Variants in COLGALT2 observed in about 807,000 individuals in gnomAD.
The protein encoded by COLGALT2 is collagen beta(1-O)galactosyltransferase 2.
In COLGALT2, 49 loss-of-function variants were observed where a neutral mutation model predicts 73.4. That is an observed-to-expected ratio of 0.67 (90% CI 0.53 to 0.85). The LOEUF (loss-of-function observed/expected upper bound fraction) is 0.85, where lower values mean the gene tolerates loss of function less well. COLGALT2 is among the 40% of genes least tolerant of loss of function. The pLI, the probability that COLGALT2 is intolerant of heterozygous loss-of-function variation, is 0.00. For synonymous variants in COLGALT2, 295 were observed against 307.6 expected, an observed-to-expected ratio of 0.96 and a Z score of 0.43; for missense variants, 722 against 790.2, an observed-to-expected ratio of 0.91 and a Z score of 1.03.
At position 184,037,489 on chromosome 1, in the gene COLGALT2, C is replaced by T. The variant is rs952563155; in HGVS notation, c.-132G>A. The T allele has an allele frequency of 8.5e-7, 1 of 1,177,836 alleles. No homozygotes were observed. The highest frequency in any genetic ancestry group is 1.0e-6 in the Non-Finnish European group (1 of 954,854). 73.0% of individuals were successfully genotyped at this position (1,177,836 alleles called of 1,614,324 possible). A position where few individuals can be genotyped will look rare whatever the true frequency, so the allele number is the denominator to read the frequency against. ...GGGGGATGCGGCTTGCCGCGGCCGGCCGGCTCACACACTGGCCTCGGCGGC... is the reference window on the plus strand; with the variant it reads ...GGGGGATGCGGCTTGCCGCGGCCGGTCGGCTCACACACTGGCCTCGGCGGC... On this transcript the variant is annotated 5_prime_UTR_variant, in exon 1 of 12. Coordinates refer to ENST00000361927, the MANE Select transcript of COLGALT2 (RefSeq NM_015101.4).
intron 2 of COLGALT2, among the ~76,000 whole-genome samples, chr1:183,975,946 A>T (rs1671178444): frequency 2.6e-5 from 4 of 152,264 alleles, no homozygotes; most frequent in African/African-American, 9.6e-5. Flanking sequence ...TGTTTTAGTG[A>T]GTGAAAAACT....
In COLGALT2 at chr1:184,024,626, C is replaced by CCGTGG. The variant is rs1649276050; in HGVS notation, c.263+12468_263+12469insCCACG. On this transcript the variant is annotated intron_variant, in intron 1 of 11. Coordinates refer to ENST00000361927, the MANE Select transcript of COLGALT2 (RefSeq NM_015101.4). ...TTGGCCTCCCAAAGTTCTGGGTTTA[C>CCGTGG]AGGCGTGAGCCACCACACCCAGCCT... Among the ~76,000 whole-genome samples the CCGTGG allele has an allele frequency of 2.5e-4, 38 of 149,408 alleles. 1 individual carries two copies. The highest frequency in any genetic ancestry group is 2.5e-3 in the Admixed American group (38 of 14,956).
chr1:184,028,482 T>C (rs1229055090), intron 1 of COLGALT2, among the ~76,000 whole-genome samples: 3 of 152,194 alleles, frequency 2.0e-5, no homozygotes, highest in Admixed American at 2.0e-4. Context: ...GAAACAGTCC[T>C]ACTTCCCTCT....
chr1:183,950,474 T>TA (rs200217667), intron 8 of COLGALT2, among the ~76,000 whole-genome samples: 20,576 of 119,332 alleles, frequency 0.17, 1,747 homozygotes, highest in East Asian at 0.41. Context: ...CTGAACAAAA[T>TA]AAAAAAAAAA....
chr1:183,939,393 C>T (rs1323715355), intron 11 of COLGALT2, among the ~76,000 whole-genome samples: 1 of 152,168 alleles, frequency 6.6e-6, no homozygotes, highest in Non-Finnish European at 1.5e-5. Flanking sequence ...AAATGAGACA[C>T]CTCACATCTG....
chr1:183,963,631 A>G (rs921620580), intron 6 of COLGALT2, among the ~76,000 whole-genome samples: 1 of 152,212 alleles, frequency 6.6e-6, no homozygotes, highest in Non-Finnish European at 1.5e-5. Flanking sequence ...ACAAAACACT[A>G]TTATAGCACT....
intron 1 of COLGALT2, among the ~76,000 whole-genome samples, chr1:184,035,879 T>C (rs1649658070): frequency 6.6e-6 from 1 of 152,206 alleles, no homozygotes. Context: ...GCAGGGTATA[T>C]AGTAAAGCAG....
Position 184,031,452 on chromosome 1 carries a change from G to C in COLGALT2, c.263+5643C>G, listed in dbSNP as rs186259580. On this transcript the variant is annotated intron_variant, in intron 1 of 11. Coordinates refer to ENST00000361927, the MANE Select transcript of COLGALT2 (RefSeq NM_015101.4). ...ATGAAATTATCAAGACAGCGGAAGAGAACCACTAAGACCCTTGCATCATTC... is the reference window on the plus strand; with the variant it reads ...ATGAAATTATCAAGACAGCGGAAGACAACCACTAAGACCCTTGCATCATTC... 2.6e-5 allele frequency among the ~76,000 whole-genome samples: 4 copies of C among 152,324 alleles called. No homozygotes were observed. The East Asian group carries it at 7.7e-4, about 29-fold the overall frequency.
chr1:183,977,004 G>A (rs530959434), intron 2 of COLGALT2, among the ~76,000 whole-genome samples: 2 of 152,302 alleles, frequency 1.3e-5, no homozygotes, highest in South Asian at 4.1e-4. Context: ...TTCTTTTGGT[G>A]CTAAATTCAT....
rs1303652973 is a variant in COLGALT2, at chr1:183,936,703, G to A, written c.*2058C>T. On this transcript the variant is annotated 3_prime_UTR_variant, in exon 12 of 12. Coordinates refer to ENST00000361927, the MANE Select transcript of COLGALT2 (RefSeq NM_015101.4). ...CAAGGAAATCTTAGGAATCACCTAA[G>A]GAATTTTCACTCGCTCCCCAGATGC... 2.4e-6 allele frequency: 3 copies of A among 1,229,928 alleles called. No homozygotes were observed. The highest frequency in any genetic ancestry group is 3.0e-6 in the Non-Finnish European group (3 of 987,482). 76.2% of individuals were successfully genotyped at this position (1,229,928 alleles called of 1,614,324 possible).
At chr1:183,964,173 G>T in intron 5 of COLGALT2, 153 bp from the exon 6 acceptor site, 2 of 665,200 alleles carry the variant, frequency 3.0e-6, no homozygotes, top group Non-Finnish European at 2.3e-6. Context: ...CCTAAAAAAT[G>T]CTCCTTTATT....
At chr1:183,931,010 T>G (rs2102779959), downstream of COLGALT2, among the ~76,000 whole-genome samples, 1 of 152,332 alleles carries the variant, frequency 6.6e-6, no homozygotes, top group East Asian at 1.9e-4. Flanking sequence ...TTACTTAAAA[T>G]TTCAAGGAAT....
Position 183,963,948 on chromosome 1 carries a change from A to G in COLGALT2, c.905T>C (p.Leu302Pro), listed in dbSNP as rs1303274105. Residue 302 changes from leucine (L) to proline (P), a missense_variant, in exon 6 of 12, where the codon CTG becomes CCG. Physicochemically the swap from Leu to Pro is moderately conservative, Grantham distance 98. Coordinates refer to ENST00000361927, the MANE Select transcript of COLGALT2 (RefSeq NM_015101.4). ...LPIPLKPHQT[L>P]QEDIENLIHV... is the part of the protein sequence containing the mutation. ...GATGAGGTTCTCGATGTCTTCCTGC[A>G]GTGTCTGATGGGGCTTCAGGGGGAT... 6.2e-7 allele frequency: 1 copy of G among 1,612,936 alleles called. No homozygotes were observed. The highest frequency in any genetic ancestry group is 8.5e-7 in the Non-Finnish European group (1 of 1,179,428).
chr1:183,932,994 T>C (rs1558304366), downstream of COLGALT2, among the ~76,000 whole-genome samples: 2 of 152,192 alleles, frequency 1.3e-5, no homozygotes, highest in African/African-American at 4.8e-5. Flanking sequence ...ACAATGGAGA[T>C]GCTTGATTGT....
At chr1:183,951,924 A>C (rs1670412937) in intron 7 of COLGALT2, among the ~76,000 whole-genome samples, 1 of 152,250 alleles carries the variant, frequency 6.6e-6, no homozygotes, top group African/African-American at 2.4e-5. Context: ...TTGAGGCAGC[A>C]CACTACCTGC....
intron 1 of COLGALT2, among the ~76,000 whole-genome samples, chr1:184,019,496 T>C (rs1649109944): frequency 6.6e-6 from 1 of 152,112 alleles, no homozygotes; most frequent in Non-Finnish European, 1.5e-5. Flanking sequence ...AAATAGAAAA[T>C]AAATATTCAA....
chr1:183,965,768 T>C (rs1049630988), intron 5 of COLGALT2, among the ~76,000 whole-genome samples: 2 of 146,918 alleles, frequency 1.4e-5, no homozygotes, highest in African/African-American at 5.1e-5. Flanking sequence ...AAAAGGCAAT[T>C]ATTAAAGGAA....
At chr1:184,023,999 T>C (rs563749370) in intron 1 of COLGALT2, among the ~76,000 whole-genome samples, 8 of 152,258 alleles carry the variant, frequency 5.3e-5, no homozygotes, top group African/African-American at 1.7e-4. Flanking sequence ...ATTTGAGACA[T>C]GGATAAGTCA....
At chr1:183,950,339 A>T (rs1481277652) in intron 8 of COLGALT2, among the ~76,000 whole-genome samples, 1 of 152,222 alleles carries the variant, frequency 6.6e-6, no homozygotes, top group Non-Finnish European at 1.5e-5. Flanking sequence ...CATACTCCTT[A>T]GTTGGAGTTA....
Sources: gnomAD v4.1 joint callset for allele counts (sites outside exome capture counted in the v4.1 genomes callset) on GRCh38, gnomAD v4.1.1 for gene constraint, MANE v1.5 for transcripts, NCBI Gene and HGNC (gene_info 2026-07-23, HGNC 2026-07-21) for gene names.